Variants in CD2AP observed in about 807,000 individuals in gnomAD.
CD2AP encodes CD2-associated protein.
Under a neutral mutation model 85.1 loss-of-function variants are expected in CD2AP, and 46 were observed. The ratio of observed to expected loss-of-function variants is 0.54; its 90% CI spans 0.43 to 0.69. The LOEUF is 0.69. Ranked by LOEUF, CD2AP falls within the 30% of genes least tolerant of loss-of-function variation. The pLI is 0.00. For missense variants in CD2AP, 769 were observed against 729.5 expected (o/e 1.05, Z -0.62); for synonymous variants, 255 against 252.9 (o/e 1.01, Z -0.08).
At chr6:47,551,675 G>A (rs1767528727) in intron 4 of CD2AP, among the ~76,000 whole-genome samples, 1 of 152,180 alleles carries the variant, frequency 6.6e-6, no homozygotes, top group Non-Finnish European at 1.5e-5. Context: ...TATTATGCCT[G>A]TGAGTCAAGA....
Position 47,608,040 on chromosome 6 carries a change from T to C in CD2AP, c.1632+12T>C. ...GCTACTCTCCAAAGGTGAGGTGCAT[T>C]GTGGTCTAAGGTTTGTTGACTTTCT... On this transcript the variant is annotated intron_variant, in intron 15 of 17. Transcript: ENST00000359314. The C allele has an allele frequency of 1.3e-6, 2 of 1,574,272 alleles. No individual in the cohort carries two copies. The highest frequency in any genetic ancestry group is 1.7e-6 in the Non-Finnish European group (2 of 1,144,108).
intron 5 of CD2AP, 114 bp from the exon 6 acceptor site, chr6:47,573,950 A>T (rs1768228564): frequency 3.2e-6 from 3 of 945,418 alleles, no homozygotes; most frequent in African/African-American, 3.2e-5. Flanking sequence ...GAATAGTTTA[A>T]TTTTTTTTCT....
intron 11 of CD2AP, among the ~76,000 whole-genome samples, chr6:47,590,754 GAGA>G (rs1768771032): frequency 6.6e-6 from 1 of 151,808 alleles, no homozygotes; most frequent in Non-Finnish European, 1.5e-5. Flanking sequence ...AGATAGGAGG[GAGA>G]AAAAAATGGA....
At chr6:47,581,980 A>G in intron 10 of CD2AP, 23 bp from the exon 11 acceptor site, 1 of 1,515,976 alleles carries the variant, frequency 6.6e-7, no homozygotes, top group Non-Finnish European at 9.2e-7. Context: ...TTCTTAAAAA[A>G]GTATTAATGT....
chr6:47,513,485 C>T (rs1202955877), intron 2 of CD2AP, among the ~76,000 whole-genome samples: 1 of 151,784 alleles, frequency 6.6e-6, no homozygotes, highest in Non-Finnish European at 1.5e-5. Context: ...TTTATATAGT[C>T]ACTGGTATTT....
chr6:47,548,930 TAAAC>T (rs1767440093), intron 4 of CD2AP, among the ~76,000 whole-genome samples: 1 of 152,130 alleles, frequency 6.6e-6, no homozygotes, highest in African/African-American at 2.4e-5. Context: ...ATATGTCACA[TAAAC>T]AGAATTAAAA....
At chr6:47,609,423 T>A (rs1326254501) in intron 16 of CD2AP, 119 bp downstream of exon 16, 1 of 787,396 alleles carries the variant, frequency 1.3e-6, no homozygotes, top group East Asian at 2.7e-5. Flanking sequence ...GCGCCTGTAA[T>A]CCCAGCACTT....
intron 4 of CD2AP, among the ~76,000 whole-genome samples, chr6:47,545,978 C>T (rs931010734): frequency 2.0e-5 from 3 of 152,162 alleles, no homozygotes; most frequent in Non-Finnish European, 4.4e-5. Flanking sequence ...CACACTAGCT[C>T]ACCAGCAAGG....
intron 4 of CD2AP, among the ~76,000 whole-genome samples, chr6:47,546,748 A>G (rs962778448): frequency 1.1e-4 from 16 of 152,208 alleles, no homozygotes; most frequent in Non-Finnish European, 1.8e-4. Flanking sequence ...TAAAGTTAAG[A>G]TGAAGGAAAG....
chr6:47,615,795 T>TAA (rs200865789), intron 17 of CD2AP, among the ~76,000 whole-genome samples: 2,018 of 123,994 alleles, frequency 0.016, 24 homozygotes, highest in African/African-American at 0.04. Flanking sequence ...TTAATTTAAT[T>TAA]TATTTATTTA....
At chr6:47,503,214 A>C in intron 1 of CD2AP, 66 bp from the exon 2 acceptor site, 1 of 1,410,436 alleles carries the variant, frequency 7.1e-7, no homozygotes. Context: ...TTTTAAATTT[A>C]TTAATATAGT....
chr6:47,515,991 A>G (rs1003880608), intron 2 of CD2AP, among the ~76,000 whole-genome samples: 9 of 152,226 alleles, frequency 5.9e-5, no homozygotes, highest in African/African-American at 2.2e-4. Flanking sequence ...TTGGCTTGAA[A>G]TGCATAGGTT....
At position 47,581,989 on chromosome 6, in the gene CD2AP, G is replaced by A. The variant is rs370926805; in HGVS notation, c.1046-14G>A. On this transcript the variant is annotated splice_polypyrimidine_tract_variant and intron_variant, in intron 10 of 17. Coordinates refer to ENST00000359314, the MANE Select transcript of CD2AP (RefSeq NM_012120.3). ...ACTGTCTTCTTAAAAAAGTATTAAT[G>A]TTTTTTCCCATAGCTCCAAAGCCTG... The A allele has an allele frequency of 6.4e-6, 10 of 1,573,640 alleles. No individual in the cohort carries two copies. In the African/African-American group the frequency reaches 1.3e-4, roughly 21 times the overall value.
chr6:47,600,924 C>T (rs1282740926), intron 13 of CD2AP, among the ~76,000 whole-genome samples: 2 of 151,790 alleles, frequency 1.3e-5, no homozygotes, highest in East Asian at 1.9e-4. Context: ...ATCTTTATCA[C>T]ATAAGTCTTT....
chr6:47,515,690 T>C, intron 2 of CD2AP, among the ~76,000 whole-genome samples: 1 of 152,190 alleles, frequency 6.6e-6, no homozygotes, highest in East Asian at 1.9e-4. Flanking sequence ...GGGCAAGTGA[T>C]ATAAATCCTA....
At chr6:47,479,538 T>C (rs1765392990) in intron 1 of CD2AP, among the ~76,000 whole-genome samples, 1 of 152,254 alleles carries the variant, frequency 6.6e-6, no homozygotes, top group African/African-American at 2.4e-5. Context: ...ATAAAACATT[T>C]GCTATTTGGA....
At position 47,626,546 on chromosome 6, in the gene CD2AP, C is replaced by CCA. The variant is rs1469901938; in HGVS notation, c.*2319_*2320insCA. ...TGTATAGTTCAGGTATTCTTTGAGA[C>CCA]ACACAGTATCATTAATTTCTGAATT... On this transcript the variant is annotated 3_prime_UTR_variant, in exon 18 of 18. Coordinates refer to ENST00000359314, the MANE Select transcript of CD2AP (RefSeq NM_012120.3). The CCA allele has an allele frequency of 6.6e-6, 1 of 152,296 alleles. No individual in the cohort carries two copies. The highest frequency in any genetic ancestry group is 2.4e-5 in the African/African-American group (1 of 41,422). The allele number at this position is 152,296 out of a possible 1,614,324, so 9.4% of individuals were successfully genotyped here. A position where few individuals can be genotyped will look rare whatever the true frequency, so the allele number is the denominator to read the frequency against.
Position 47,478,064 on chromosome 6 carries a change from G to T in CD2AP, c.-181G>T. ...TTGCCTCTGCCTCGAGGGCCGCGCT[G>T]AAGAGACTGGTAGGAGAGCGCCGCG... On this transcript the variant is annotated 5_prime_UTR_variant, in exon 1 of 18. Coordinates refer to ENST00000359314, the MANE Select transcript of CD2AP (RefSeq NM_012120.3). The T allele has an allele frequency of 1.3e-6, 1 of 769,732 alleles. No individual in the cohort carries two copies. The highest frequency in any genetic ancestry group is 1.7e-5 in the South Asian group (1 of 58,902). The allele number at this position is 769,732 out of a possible 1,614,324, so 47.7% of individuals were successfully genotyped here. A position where few individuals can be genotyped will look rare whatever the true frequency, so the allele number is the denominator to read the frequency against.
intron 11 of CD2AP, 43 bp downstream of exon 11, chr6:47,582,108 T>C (rs1297280337): frequency 1.7e-6 from 2 of 1,165,072 alleles, no homozygotes. Flanking sequence ...TTATTTCTTT[T>C]ATTGTCATTT....
Sources: allele counts gnomAD v4.1 joint callset (sites outside exome capture counted in the v4.1 genomes callset), GRCh38; gene constraint gnomAD v4.1.1; transcripts MANE v1.5; gene names NCBI Gene and HGNC (gene_info 2026-07-23, HGNC 2026-07-21).